Variants in LRMDA observed in about 807,000 individuals in gnomAD.
The protein encoded by LRMDA is leucine-rich melanocyte differentiation-associated protein.
LRMDA carries 18 observed loss-of-function variants against 29.8 expected under a neutral mutation model. The ratio of observed to expected loss-of-function variants is 0.60; its 90% CI spans 0.42 to 0.90. The LOEUF is 0.90. LRMDA is among the 40% of genes least tolerant of loss of function. LRMDA has a pLI of 0.00. For missense variants in LRMDA, 273 were observed against 273.9 expected (o/e 1.00, Z 0.02); for synonymous variants, 125 against 109.4 (o/e 1.14, Z -0.89).
At chr10:76,049,082 A>G (rs1848489184) in intron 4 of LRMDA, among the ~76,000 whole-genome samples, 1 of 152,170 alleles carries the variant, frequency 6.6e-6, no homozygotes, top group Admixed American at 6.5e-5. Context: ...GCAAAGGACT[A>G]TGATTCAGAC....
At chr10:76,543,337 TG>T (rs1385476042) in intron 6 of LRMDA, among the ~76,000 whole-genome samples, 79 of 135,008 alleles carry the variant, frequency 5.9e-4, no homozygotes, top group African/African-American at 2.0e-3. Flanking sequence ...TGTGTGTGTG[TG>T]TGTGTGTGTG....
chr10:76,317,753 T>C (rs147375757), intron 5 of LRMDA, among the ~76,000 whole-genome samples: 2,522 of 152,210 alleles, frequency 0.017, 78 homozygotes, highest in African/African-American at 0.058. Context: ...TTTGTACTTT[T>C]AGTAGAGACA....
chr10:76,212,079 T>G (rs1370199676), intron 5 of LRMDA, among the ~76,000 whole-genome samples: 1 of 152,186 alleles, frequency 6.6e-6, no homozygotes, highest in Non-Finnish European at 1.5e-5. Flanking sequence ...TCACAGAATC[T>G]TATAGATTAT....
At chr10:76,434,973 A>T (rs938155579) in intron 6 of LRMDA, among the ~76,000 whole-genome samples, 3 of 151,928 alleles carry the variant, frequency 2.0e-5, no homozygotes, top group African/African-American at 7.3e-5. Flanking sequence ...TAAGATACAG[A>T]CCCTTCTTAT....
intron 2 of LRMDA, among the ~76,000 whole-genome samples, chr10:75,472,160 A>G (rs545956807): frequency 3.3e-5 from 5 of 152,234 alleles, no homozygotes; most frequent in African/African-American, 1.2e-4. Context: ...AAATCAGCTC[A>G]ACATCTATAG....
intron 2 of LRMDA, among the ~76,000 whole-genome samples, chr10:75,922,368 C>G (rs1413590452): frequency 6.6e-6 from 1 of 152,182 alleles, no homozygotes; most frequent in African/African-American, 2.4e-5. Flanking sequence ...GATGACCTTG[C>G]TTGATGGACC....
intron 5 of LRMDA, among the ~76,000 whole-genome samples, chr10:76,304,518 C>A (rs1219248012): frequency 1.3e-5 from 2 of 152,150 alleles, no homozygotes; most frequent in East Asian, 3.9e-4. Flanking sequence ...ACCTGTCCAA[C>A]ACTGAGAAGC....
intron 2 of LRMDA, among the ~76,000 whole-genome samples, chr10:75,730,966 T>C (rs549727152): frequency 3.9e-5 from 6 of 152,368 alleles, no homozygotes; most frequent in African/African-American, 1.2e-4. Context: ...GACAGCTTGT[T>C]ACTTATGGTA....
chr10:75,536,923 C>T (rs1226532694), intron 2 of LRMDA, among the ~76,000 whole-genome samples: 1 of 152,034 alleles, frequency 6.6e-6, no homozygotes, highest in African/African-American at 2.4e-5. Flanking sequence ...ACTTTGAGGA[C>T]AAAAACAGTG....
At chr10:75,833,366 TA>T (rs1160915374) in intron 2 of LRMDA, among the ~76,000 whole-genome samples, 1 of 151,840 alleles carries the variant, frequency 6.6e-6, no homozygotes, top group Non-Finnish European at 1.5e-5. Context: ...CAAGAAGATG[TA>T]TCTTGTTCAT....
At position 75,810,154 on chromosome 10, in the gene LRMDA, C is replaced by T. The variant is rs910740873; in HGVS notation, c.132-225854C>T. On this transcript the variant is annotated intron_variant, in intron 2 of 6. Transcript: ENST00000611255. Reference sequence around the variant, plus strand: ...CATTCAGAAATGATGAAGGGGCCAGCGTAGCTGGAGTTCAGAGAGCAGGTG... The same window carrying T: ...CATTCAGAAATGATGAAGGGGCCAGTGTAGCTGGAGTTCAGAGAGCAGGTG... 4.6e-5 allele frequency among the ~76,000 whole-genome samples: 7 copies of T among 152,210 alleles called. No homozygotes were observed. The East Asian group carries it at 5.8e-4, about 13-fold the overall frequency.
At chr10:76,223,965 A>T (rs1197275761) in intron 5 of LRMDA, among the ~76,000 whole-genome samples, 1 of 152,018 alleles carries the variant, frequency 6.6e-6, no homozygotes, top group Admixed American at 6.6e-5. Flanking sequence ...TGGAAGGTTG[A>T]CTGGGATCAG....
At chr10:76,491,333 C>A (rs1842831744) in intron 6 of LRMDA, among the ~76,000 whole-genome samples, 1 of 151,956 alleles carries the variant, frequency 6.6e-6, no homozygotes. Context: ...GATTAAAGAA[C>A]TGCTTTTAGC....
intron 2 of LRMDA, among the ~76,000 whole-genome samples, chr10:75,828,850 G>T (rs1042562956): frequency 3.3e-5 from 5 of 152,114 alleles, no homozygotes; most frequent in Non-Finnish European, 5.9e-5. Context: ...TTTTATTATA[G>T]GTCTTTGAAG....
intron 2 of LRMDA, among the ~76,000 whole-genome samples, chr10:75,913,553 C>A (rs17435241): frequency 6.6e-6 from 1 of 152,126 alleles, no homozygotes; most frequent in Non-Finnish European, 1.5e-5. Context: ...ATAGGTCATG[C>A]GCCCCGTGTG....
At chr10:76,209,858 G>C (rs1006290396) in intron 5 of LRMDA, among the ~76,000 whole-genome samples, 3 of 152,134 alleles carry the variant, frequency 2.0e-5, no homozygotes, top group Non-Finnish European at 4.4e-5. Context: ...TGCTGGGGTG[G>C]GGAGTAGGAG....
At chr10:76,416,865 A>T (rs1842020673) in intron 6 of LRMDA, among the ~76,000 whole-genome samples, 2 of 152,108 alleles carry the variant, frequency 1.3e-5, no homozygotes, top group African/African-American at 4.8e-5. Context: ...GTGTGCTTGT[A>T]TGTTGTATAG....
intron 5 of LRMDA, among the ~76,000 whole-genome samples, chr10:76,254,474 G>T (rs192812709): frequency 6.6e-6 from 1 of 151,948 alleles, no homozygotes. Context: ...CCAATCAAGA[G>T]TATTCATATA....
chr10:76,301,953 GA>G (rs752570995), intron 5 of LRMDA, among the ~76,000 whole-genome samples: 49 of 152,152 alleles, frequency 3.2e-4, no homozygotes, highest in Non-Finnish European at 6.2e-4. Context: ...TTTGATCTAA[GA>G]AAAGGAAATA....
Sources: gnomAD v4.1 joint callset for allele counts (sites outside exome capture counted in the v4.1 genomes callset) on GRCh38, gnomAD v4.1.1 for gene constraint, MANE v1.5 for transcripts, NCBI Gene and HGNC (gene_info 2026-07-23, HGNC 2026-07-21) for gene names.